Variants in DIAPH3 observed in about 807,000 individuals in gnomAD.
The protein encoded by DIAPH3 is diaphanous related formin 3, also known as protein diaphanous homolog 3.
Under a neutral mutation model 144.3 loss-of-function variants are expected in DIAPH3, and 117 were observed. The ratio of observed to expected loss-of-function variants is 0.81; its 90% CI spans 0.70 to 0.95. The LOEUF (loss-of-function observed/expected upper bound fraction) is 0.95, where lower values mean the gene tolerates loss of function less well. Among genes scored for constraint, DIAPH3 ranks in the 40% least tolerant of loss-of-function variants. The probability of loss-of-function intolerance (pLI) is 0.00; values close to 1 mark genes in which losing one functional copy is unlikely to be tolerated. For missense variants in DIAPH3, 1,421 were observed against 1,412.7 expected, an observed-to-expected ratio of 1.01 and a Z score of -0.09; for synonymous variants, 519 against 488.9, an observed-to-expected ratio of 1.06 and a Z score of -0.81.
At chr13:60,115,498 G>T (rs879764071) in intron 2 of DIAPH3, among the ~76,000 whole-genome samples, 1 of 152,168 alleles carries the variant, frequency 6.6e-6, no homozygotes, top group African/African-American at 2.4e-5. Flanking sequence ...CACCGGAATA[G>T]CAACCAGAGG....
chr13:60,152,045 T>C (rs1951812317), intron 1 of DIAPH3, among the ~76,000 whole-genome samples: 1 of 152,194 alleles, frequency 6.6e-6, no homozygotes. Flanking sequence ...AAACTGAATG[T>C]TACAAAGTTT....
chr13:60,026,633 G>A (rs1180778623), intron 5 of DIAPH3, among the ~76,000 whole-genome samples: 2 of 151,874 alleles, frequency 1.3e-5, no homozygotes, highest in East Asian at 1.9e-4. Context: ...GGGTATATTT[G>A]AATCATTTAT....
chr13:59,776,594 CAAAT>C (rs2038425203), intron 25 of DIAPH3, among the ~76,000 whole-genome samples: 1 of 150,858 alleles, frequency 6.6e-6, no homozygotes, highest in Admixed American at 6.6e-5. Context: ...CAAATAGAAA[CAAAT>C]AAACATGTTT....
At chr13:59,903,680 A>G (rs2046575786) in intron 20 of DIAPH3, among the ~76,000 whole-genome samples, 2 of 152,082 alleles carry the variant, frequency 1.3e-5, no homozygotes, top group African/African-American at 4.8e-5. Context: ...GAATTAACCC[A>G]TTTTCACTCA....
rs1445071770 is a variant in DIAPH3 at position 59,899,363 on chromosome 13, C to G, written c.2367+12372G>C. ...GAAGTATTTTGAGCAACTGATTATGCAATTTCAAAGAAGGTGCATTGAGAA... is the reference window on the plus strand; with the variant it reads ...GAAGTATTTTGAGCAACTGATTATGGAATTTCAAAGAAGGTGCATTGAGAA... On this transcript the variant is annotated intron_variant, in intron 20 of 27. Transcript: ENST00000400324. Among the ~76,000 whole-genome samples, 5 of 152,156 alleles carry G rather than the reference C, an allele frequency of 3.3e-5. No homozygotes were observed. In the East Asian group the frequency reaches 9.6e-4, roughly 29 times the overall value.
intron 15 of DIAPH3, among the ~76,000 whole-genome samples, chr13:59,973,877 ACT>A (rs1358422083): frequency 1.3e-5 from 2 of 151,954 alleles, no homozygotes; most frequent in African/African-American, 4.8e-5. Flanking sequence ...ATCCAGATTT[ACT>A]CTCTTTTTTG....
chr13:60,039,870 A>G (rs1340364376), intron 5 of DIAPH3, among the ~76,000 whole-genome samples: 2 of 152,204 alleles, frequency 1.3e-5, no homozygotes, highest in African/African-American at 4.8e-5. Context: ...GATCACAGGC[A>G]TAACTTCCAA....
At chr13:59,714,113 G>C (rs143321734) in intron 27 of DIAPH3, among the ~76,000 whole-genome samples, 6,748 of 151,968 alleles carry the variant, frequency 0.044, 228 homozygotes, top group South Asian at 0.1. Flanking sequence ...GTAATCCCAG[G>C]ACTTTGGGAG....
chr13:59,675,007 C>T (rs1468163468), intron 27 of DIAPH3, among the ~76,000 whole-genome samples: 1 of 152,192 alleles, frequency 6.6e-6, no homozygotes, highest in Non-Finnish European at 1.5e-5. Flanking sequence ...TATGGTTTGA[C>T]AGTATACTTA....
intron 4 of DIAPH3, among the ~76,000 whole-genome samples, chr13:60,071,883 T>C (rs1413007727): frequency 1.3e-5 from 2 of 152,246 alleles, no homozygotes; most frequent in Non-Finnish European, 2.9e-5. Context: ...TTATCTTCAA[T>C]CTCTTTCTCC....
chr13:59,884,016 T>C (rs942448106), intron 20 of DIAPH3, among the ~76,000 whole-genome samples: 3 of 152,150 alleles, frequency 2.0e-5, no homozygotes, highest in South Asian at 4.1e-4. Flanking sequence ...ACAGGCTGCA[T>C]AGTAGGAGGT....
rs144628055 is a variant in DIAPH3, at chr13:59,901,703, T to C, written c.2367+10032A>G. 3.9e-3 allele frequency among the ~76,000 whole-genome samples: 598 copies of C among 152,318 alleles called. 5 individuals are homozygous for C. Among genetic ancestry groups the C allele is most frequent in the African/African-American group, 0.014 (581 of 41,582 alleles). On this transcript the variant is annotated intron_variant, in intron 20 of 27. Coordinates refer to ENST00000400324, the MANE Select transcript of DIAPH3 (RefSeq NM_001042517.2). ...AAATATTTGTCAAAAAATGAATAAA[T>C]TATTGCTGAATCAAGGAGACAAAGT...
intron 4 of DIAPH3, among the ~76,000 whole-genome samples, chr13:60,046,806 A>C (rs1381852388): frequency 6.6e-6 from 1 of 152,204 alleles, no homozygotes; most frequent in Non-Finnish European, 1.5e-5. Flanking sequence ...AAAAAGAATG[A>C]GTTCATGTCC....
chr13:59,725,031 A>G (rs2035540347), intron 27 of DIAPH3, among the ~76,000 whole-genome samples: 1 of 152,196 alleles, frequency 6.6e-6, no homozygotes, highest in African/African-American at 2.4e-5. Flanking sequence ...AAAGTGTTCT[A>G]CTGCTAAAAT....
At chr13:59,878,966 G>C (rs1229521673) in intron 21 of DIAPH3, among the ~76,000 whole-genome samples, 2 of 152,046 alleles carry the variant, frequency 1.3e-5, no homozygotes, top group Non-Finnish European at 2.9e-5. Flanking sequence ...TCATTGGTTT[G>C]AGAAAGCATA....
At chr13:60,116,820 A>G (rs2058716810) in intron 2 of DIAPH3, among the ~76,000 whole-genome samples, 1 of 152,062 alleles carries the variant, frequency 6.6e-6, no homozygotes, top group Non-Finnish European at 1.5e-5. Context: ...AACTTTTTTT[A>G]AAAAGAATCT....
intron 8 of DIAPH3, among the ~76,000 whole-genome samples, chr13:60,008,971 C>T (rs2053061379): frequency 6.6e-6 from 1 of 151,962 alleles, no homozygotes; most frequent in African/African-American, 2.4e-5. Context: ...ATAATTAACC[C>T]GTATTATAGA....
At chr13:59,788,690 TGAG>T (rs1333815362) in intron 25 of DIAPH3, among the ~76,000 whole-genome samples, 1 of 152,182 alleles carries the variant, frequency 6.6e-6, no homozygotes, top group Non-Finnish European at 1.5e-5. Context: ...TGTCAAAAAA[TGAG>T]GCATATTTAA....
intron 27 of DIAPH3, among the ~76,000 whole-genome samples, chr13:59,733,526 T>C (rs1197704542): frequency 2.6e-5 from 4 of 152,186 alleles, no homozygotes; most frequent in African/African-American, 7.2e-5. Flanking sequence ...AAGAAAAATA[T>C]ATAACTTTGA....
Sources: allele counts gnomAD v4.1 joint callset (sites outside exome capture counted in the v4.1 genomes callset), GRCh38; gene constraint gnomAD v4.1.1; transcripts MANE v1.5; gene names NCBI Gene and HGNC (gene_info 2026-07-23, HGNC 2026-07-21).